CADM2: variants seen among roughly 807,000 people sequenced by gnomAD.
CADM2 encodes the protein cell adhesion molecule 2, also known as immunoglobulin superfamily member 4D.
Under a neutral mutation model 49.8 loss-of-function variants are expected in CADM2, and 12 were observed. The observed-to-expected ratio is 0.24, with a 90% CI of 0.15 to 0.39. The LOEUF (loss-of-function observed/expected upper bound fraction) is 0.39, where lower values mean the gene tolerates loss of function less well. Ranked by LOEUF, CADM2 falls within the 10% of genes least tolerant of loss-of-function variation. The pLI, the probability that CADM2 is intolerant of heterozygous loss-of-function variation, is 1.00. For synonymous variants in CADM2, 214 were observed against 175.4 expected (o/e 1.22, Z -1.74); for missense variants, 378 against 492.3 (o/e 0.77, Z 2.20).
At chr3:86,018,003 A>G (rs1273722020) in intron 8 of CADM2, among the ~76,000 whole-genome samples, 1 of 123,030 alleles carries the variant, frequency 8.1e-6, no homozygotes, top group Non-Finnish European at 1.7e-5. Context: ...CATTAGGTAT[A>G]TCTCCCAATG....
intron 1 of CADM2, among the ~76,000 whole-genome samples, chr3:85,188,918 C>T (rs1464472142): frequency 6.6e-6 from 1 of 151,816 alleles, no homozygotes; most frequent in Non-Finnish European, 1.5e-5. Flanking sequence ...GTAGTCCCAG[C>T]TACTCGGGAG....
intron 8 of CADM2, among the ~76,000 whole-genome samples, chr3:85,972,473 C>A (rs551829636): frequency 6.6e-6 from 1 of 151,832 alleles, no homozygotes; most frequent in East Asian, 1.9e-4. Flanking sequence ...ACATTAGTGA[C>A]ATAAAGCAGA....
Position 85,170,003 on chromosome 3 carries a change from C to T in CADM2, c.61+210335C>T, listed in dbSNP as rs6776134. On this transcript the variant is annotated intron_variant, in intron 1 of 9. Coordinates refer to ENST00000383699, the MANE Select transcript of CADM2 (RefSeq NM_001167675.2). ...AGAGAAATCAAAATATGTGTTTCCCCTGTGCTAATGGTGTGGTATGATTGT... is the reference window on the plus strand; with the variant it reads ...AGAGAAATCAAAATATGTGTTTCCCTTGTGCTAATGGTGTGGTATGATTGT... Among the ~76,000 whole-genome samples, 1,055 of 152,212 alleles carry T rather than the reference C, an allele frequency of 6.9e-3. 10 individuals are homozygous for T. Among genetic ancestry groups the T allele is most frequent in the African/African-American group, 0.023 (963 of 41,544 alleles).
At chr3:85,954,818 A>G (rs1184216538) in intron 7 of CADM2, among the ~76,000 whole-genome samples, 1 of 151,196 alleles carries the variant, frequency 6.6e-6, no homozygotes, top group East Asian at 2.0e-4. Context: ...TTATGCATAG[A>G]CTCTTACTAT....
chr3:85,866,018 A>C (rs1016090652), intron 3 of CADM2, among the ~76,000 whole-genome samples: 2 of 152,138 alleles, frequency 1.3e-5, no homozygotes, highest in Non-Finnish European at 2.9e-5. Context: ...CTGTAAGAAG[A>C]GAAACCCCAC....
chr3:85,667,163 A>G (rs1015477295), intron 1 of CADM2, among the ~76,000 whole-genome samples: 1 of 152,006 alleles, frequency 6.6e-6, no homozygotes, highest in Admixed American at 6.6e-5. Flanking sequence ...TCTAAGAGTA[A>G]AAGTCTCAGA....
At chr3:85,476,069 A>G (rs989184732) in intron 1 of CADM2, among the ~76,000 whole-genome samples, 3 of 151,914 alleles carry the variant, frequency 2.0e-5, no homozygotes, top group Non-Finnish European at 2.9e-5. Flanking sequence ...CTATATTTCA[A>G]TCTAATTAAA....
intron 7 of CADM2, among the ~76,000 whole-genome samples, chr3:85,938,423 A>G (rs1406613854): frequency 6.6e-6 from 1 of 152,044 alleles, no homozygotes; most frequent in East Asian, 1.9e-4. Context: ...AGGAAAGACT[A>G]TCAACTTCAA....
chr3:85,654,211 G>A (rs1433509232), intron 1 of CADM2, among the ~76,000 whole-genome samples: 1 of 152,150 alleles, frequency 6.6e-6, no homozygotes, highest in African/African-American at 2.4e-5. Context: ...GTCAGGAGAG[G>A]TATTTATCAA....
chr3:86,051,812 G>A (rs983306814), intron 8 of CADM2, among the ~76,000 whole-genome samples: 1 of 152,050 alleles, frequency 6.6e-6, no homozygotes, highest in African/African-American at 2.4e-5. Flanking sequence ...ACTCACTATC[G>A]TTAAAACAGC....
intron 1 of CADM2, among the ~76,000 whole-genome samples, chr3:85,038,019 G>T (rs992659581): frequency 1.3e-5 from 2 of 151,974 alleles, no homozygotes; most frequent in Non-Finnish European, 2.9e-5. Context: ...GTTACAGTGA[G>T]GAACAGAAAA....
chr3:85,566,194 C>T (rs935783029), intron 1 of CADM2, among the ~76,000 whole-genome samples: 3 of 151,976 alleles, frequency 2.0e-5, no homozygotes, highest in Non-Finnish European at 2.9e-5. Context: ...TCTGTATTTT[C>T]GATTGAGTGT....
chr3:85,554,463 C>A (rs1409071953), intron 1 of CADM2, among the ~76,000 whole-genome samples: 1 of 152,142 alleles, frequency 6.6e-6, no homozygotes, highest in East Asian at 1.9e-4. Context: ...AACTCAGCTG[C>A]TGAGTAGATG....
chr3:85,142,146 G>A (rs575737529), intron 1 of CADM2, among the ~76,000 whole-genome samples: 12 of 152,222 alleles, frequency 7.9e-5, no homozygotes, highest in Non-Finnish European at 1.5e-4. Context: ...AAATGTAATG[G>A]CACCAACTTC....
At chr3:86,056,867 T>C (rs2107362855) in intron 8 of CADM2, among the ~76,000 whole-genome samples, 1 of 152,280 alleles carries the variant, frequency 6.6e-6, no homozygotes, top group African/African-American at 2.4e-5. Context: ...TTTATGAGCT[T>C]CATGGGAAAA....
At chr3:85,175,470 A>C (rs2040755475) in intron 1 of CADM2, among the ~76,000 whole-genome samples, 1 of 152,202 alleles carries the variant, frequency 6.6e-6, no homozygotes, top group Admixed American at 6.5e-5. Flanking sequence ...AGTGTGAATT[A>C]ACATTGAAGA....
chr3:85,091,292 G>A (rs985813098), intron 1 of CADM2, among the ~76,000 whole-genome samples: 3 of 152,018 alleles, frequency 2.0e-5, no homozygotes, highest in African/African-American at 7.2e-5. Context: ...TTCAATGGCA[G>A]CTAAATGATC....
At chr3:85,074,576 T>C (rs2036871513) in intron 1 of CADM2, among the ~76,000 whole-genome samples, 1 of 152,160 alleles carries the variant, frequency 6.6e-6, no homozygotes, top group African/African-American at 2.4e-5. Flanking sequence ...ATAATTTGTG[T>C]TCAATATGTT....
intron 1 of CADM2, among the ~76,000 whole-genome samples, chr3:85,020,271 C>T (rs535223290): frequency 2.0e-5 from 3 of 152,202 alleles, no homozygotes; most frequent in African/African-American, 7.2e-5. Context: ...CCATCCAGTA[C>T]AGTCCTTTAA....
Sources: gnomAD v4.1 joint callset for allele counts (sites outside exome capture counted in the v4.1 genomes callset) on GRCh38, gnomAD v4.1.1 for gene constraint, MANE v1.5 for transcripts, NCBI Gene and HGNC (gene_info 2026-07-23, HGNC 2026-07-21) for gene names.